Variants in ADGRL2 observed in about 807,000 individuals in gnomAD.
ADGRL2 encodes adhesion G protein-coupled receptor L2.
A neutral mutation model predicts 157.4 loss-of-function variants in ADGRL2; 44 were observed. The ratio of observed to expected loss-of-function variants is 0.28; its 90% CI spans 0.22 to 0.36. The LOEUF is 0.36. Among genes scored for constraint, ADGRL2 ranks in the 10% least tolerant of loss-of-function variants. The pLI is 1.00. For missense variants in ADGRL2, 1,510 were observed against 1,768.9 expected (o/e 0.85, Z 2.63); for synonymous variants, 585 against 624.7 (o/e 0.94, Z 0.95).
chr1:81,330,664 G>T (rs1395609379), intron 1 of ADGRL2, among the ~76,000 whole-genome samples: 1 of 152,052 alleles, frequency 6.6e-6, no homozygotes, highest in Admixed American at 6.6e-5. Context: ...GTACACAAAA[G>T]CTGTTAACAC....
At chr1:81,902,354 T>G (rs2094502600) in intron 2 of ADGRL2, among the ~76,000 whole-genome samples, 1 of 152,122 alleles carries the variant, frequency 6.6e-6, no homozygotes, top group Non-Finnish European at 1.5e-5. Flanking sequence ...TCCCAGCATT[T>G]TAGGAGGCCA....
intron 1 of ADGRL2, among the ~76,000 whole-genome samples, chr1:81,720,393 C>T (rs1054427950): frequency 6.6e-6 from 1 of 152,018 alleles, no homozygotes; most frequent in Non-Finnish European, 1.5e-5. Context: ...TGGTCTCAAA[C>T]TCCTGAGCTC....
chr1:81,352,261 C>A (rs886952072), intron 1 of ADGRL2, among the ~76,000 whole-genome samples: 1 of 152,210 alleles, frequency 6.6e-6, no homozygotes, highest in African/African-American at 2.4e-5. Flanking sequence ...AAAGTCTCAA[C>A]ATATCAGTGG....
At chr1:81,369,332 C>G (rs80326962) in intron 1 of ADGRL2, among the ~76,000 whole-genome samples, 1 of 152,034 alleles carries the variant, frequency 6.6e-6, no homozygotes. Flanking sequence ...AAAATACAGT[C>G]TATATATACA....
intron 3 of ADGRL2, among the ~76,000 whole-genome samples, chr1:81,647,026 A>G (rs2082328231): frequency 6.6e-6 from 1 of 152,232 alleles, no homozygotes; most frequent in Admixed American, 6.5e-5. Context: ...AGTCACAAAG[A>G]TCTTGTAAGA....
At chr1:81,762,295 G>T (rs1319180704) in intron 2 of ADGRL2, among the ~76,000 whole-genome samples, 2 of 152,090 alleles carry the variant, frequency 1.3e-5, no homozygotes, top group Admixed American at 1.3e-4. Flanking sequence ...TTTGACCGGG[G>T]CTTTGCAGCA....
chr1:81,375,072 T>C (rs573062746), intron 1 of ADGRL2, among the ~76,000 whole-genome samples: 1 of 152,190 alleles, frequency 6.6e-6, no homozygotes, highest in Non-Finnish European at 1.5e-5. Context: ...CCAGACAACA[T>C]GCTAGTTTTC....
chr1:81,884,720 CA>C (rs1301238367), intron 2 of ADGRL2, among the ~76,000 whole-genome samples: 5 of 152,140 alleles, frequency 3.3e-5, no homozygotes, highest in African/African-American at 1.2e-4. Flanking sequence ...AATGTGACCC[CA>C]TACTGAGTTT....
chr1:81,691,741 C>T (rs1241020339), intron 3 of ADGRL2, among the ~76,000 whole-genome samples: 4 of 151,626 alleles, frequency 2.6e-5, no homozygotes, highest in East Asian at 2.0e-4. Flanking sequence ...TCAGGTGATC[C>T]GCCCACCTCA....
At chr1:81,723,108 A>G (rs1265355806) in intron 1 of ADGRL2, 3 of 683,556 alleles carry the variant, frequency 4.4e-6, no homozygotes, top group Non-Finnish European at 7.9e-6. Flanking sequence ...CTGAAGGAAA[A>G]GCAACCTAGA....
intron 3 of ADGRL2, among the ~76,000 whole-genome samples, chr1:81,635,941 C>G (rs543311912): frequency 6.6e-6 from 1 of 152,330 alleles, no homozygotes; most frequent in African/African-American, 2.4e-5. Context: ...AGTTTATCAG[C>G]TGCCTCACTT....
chr1:81,925,655 C>T (rs748631544), intron 3 of ADGRL2, among the ~76,000 whole-genome samples: 5 of 150,920 alleles, frequency 3.3e-5, no homozygotes, highest in East Asian at 1.9e-4. Flanking sequence ...GACAAAGATG[C>T]GTTTTTTAAA....
At chr1:81,757,908 T>G (rs1208058765) in intron 1 of ADGRL2, among the ~76,000 whole-genome samples, 1 of 152,138 alleles carries the variant, frequency 6.6e-6, no homozygotes, top group East Asian at 1.9e-4. Context: ...TCCTTCAGTG[T>G]GATTCAGGAG....
chr1:81,353,009 G>A (rs1053439209), intron 1 of ADGRL2, among the ~76,000 whole-genome samples: 6 of 152,216 alleles, frequency 3.9e-5, no homozygotes, highest in Admixed American at 6.5e-5. Context: ...AAAAAGCGTT[G>A]GAGGTAATAA....
chr1:81,605,473 A>C (rs1476099444), intron 3 of ADGRL2, among the ~76,000 whole-genome samples: 2 of 152,224 alleles, frequency 1.3e-5, no homozygotes, highest in Admixed American at 6.5e-5. Flanking sequence ...AAGACACTTA[A>C]AGGAAAAGGA....
chr1:81,844,197 G>A (rs1032305618), intron 2 of ADGRL2, among the ~76,000 whole-genome samples: 9 of 152,046 alleles, frequency 5.9e-5, no homozygotes, highest in African/African-American at 1.2e-4. Context: ...TAGAAATACC[G>A]ATTTTACATG....
intron 2 of ADGRL2, among the ~76,000 whole-genome samples, chr1:81,510,231 T>C (rs1178635325): frequency 2.6e-5 from 4 of 152,162 alleles, no homozygotes; most frequent in African/African-American, 9.7e-5. Context: ...GTGATAATGA[T>C]AATGTGAAAA....
At chr1:81,482,293 C>T (rs1356689872) in intron 2 of ADGRL2, among the ~76,000 whole-genome samples, 1 of 152,162 alleles carries the variant, frequency 6.6e-6, no homozygotes. Flanking sequence ...ATTGTTTTCT[C>T]TTGCAAAAGT....
chr1:81,362,519 G>A (rs775447730), intron 1 of ADGRL2, among the ~76,000 whole-genome samples: 6 of 151,610 alleles, frequency 4.0e-5, no homozygotes, highest in Non-Finnish European at 7.4e-5. Context: ...GAGAAAATAA[G>A]GCCCTCCAAA....
Sources: gnomAD v4.1 joint callset for allele counts (sites outside exome capture counted in the v4.1 genomes callset) on GRCh38, gnomAD v4.1.1 for gene constraint, MANE v1.5 for transcripts, NCBI Gene and HGNC (gene_info 2026-07-23, HGNC 2026-07-21) for gene names.